The following NAALAD2 variants were observed in gnomAD, a reference collection of about 807,000 sequenced individuals.
NAALAD2 encodes N-acetylated alpha-linked acidic dipeptidase 2, also known as N-acetylated-alpha-linked acidic dipeptidase 2.
In NAALAD2, 89 loss-of-function variants were observed where a neutral mutation model predicts 95.6. That is an observed-to-expected ratio of 0.93 (90% CI 0.78 to 1.11). The LOEUF (loss-of-function observed/expected upper bound fraction) is 1.11, where lower values mean the gene tolerates loss of function less well. Among genes scored for constraint, NAALAD2 ranks in the 50% least tolerant of loss-of-function variants. The pLI, the probability that NAALAD2 is intolerant of heterozygous loss-of-function variation, is 0.00. For missense variants in NAALAD2, 894 were observed against 872.4 expected (o/e 1.02, Z -0.31); for synonymous variants, 264 against 294.4 (o/e 0.90, Z 1.06).
chr11:90,133,321 T>A (rs1454185038), upstream of NAALAD2, among the ~76,000 whole-genome samples: 1 of 152,246 alleles, frequency 6.6e-6, no homozygotes, highest in African/African-American at 2.4e-5. Context: ...GGATGAAGGC[T>A]ATTTACAATG....
At position 90,156,301 on chromosome 11, in the gene NAALAD2, A is replaced by G. The variant is rs575490087; in HGVS notation, c.797-1844A>G. ...AGTCTCAAACTCCTTGACTCAAGCA[A>G]TCTTCCTGCCTTGGCCTCCCAAAGT... On this transcript the variant is annotated intron_variant, in intron 6 of 18. Transcript: ENST00000534061. 4.0e-4 allele frequency among the ~76,000 whole-genome samples: 61 copies of G among 152,104 alleles called. No individual in the cohort carries two copies. The East Asian group carries it at 0.011, about 27-fold the overall frequency.
chr11:90,156,101 TTAG>T (rs1271551123), intron 6 of NAALAD2, among the ~76,000 whole-genome samples: 2 of 151,882 alleles, frequency 1.3e-5, no homozygotes, highest in Admixed American at 6.6e-5. Context: ...ATTCCTGATG[TTAG>T]CAATTTAGTC....
chr11:90,163,638 T>C (rs1401910315), intron 11 of NAALAD2, 21 bp downstream of exon 11: 1 of 1,610,940 alleles, frequency 6.2e-7, no homozygotes, highest in African/African-American at 1.3e-5. Flanking sequence ...CAAAGAAGGT[T>C]CTTATTATTT....
Position 90,169,974 on chromosome 11 carries a change from A to G in NAALAD2, c.1343-95A>G, listed in dbSNP as rs536391928. On this transcript the variant is annotated intron_variant, in intron 12 of 18. Coordinates refer to ENST00000534061, the MANE Select transcript of NAALAD2 (RefSeq NM_005467.4). The stretch of plus-strand genomic sequence containing the variant: ...AAATCTTTGATTTGAAGATCATTAT[A>G]TCTTGTTTAAAATTAGAAAATAAAG... The G allele has an allele frequency of 2.3e-4, 191 of 816,518 alleles. 2 individuals are homozygous for G. Among genetic ancestry groups the G allele is most frequent in the South Asian group, 2.2e-3 (154 of 68,930 alleles). The allele number at this position is 816,518 out of a possible 1,614,324, so 50.6% of individuals were successfully genotyped here. A position where few individuals can be genotyped will look rare whatever the true frequency, so the allele number is the denominator to read the frequency against.
chr11:90,149,532 TCAA>T (rs1951834567), intron 4 of NAALAD2, among the ~76,000 whole-genome samples: 1 of 152,136 alleles, frequency 6.6e-6, no homozygotes, highest in Non-Finnish European at 1.5e-5. Context: ...CCTCCGAGGT[TCAA>T]GCAATTCTCT....
chr11:90,181,751 G>T (rs1333726414), intron 17 of NAALAD2, 50 bp downstream of exon 17: 17 of 1,133,874 alleles, frequency 1.5e-5, no homozygotes, highest in African/African-American at 6.4e-5. Flanking sequence ...AAGCAATCTG[G>T]TTACTAGAAT....
chr11:90,192,058 C>T lies in NAALAD2; in HGVS notation c.*311C>T. On this transcript the variant is annotated 3_prime_UTR_variant, in exon 19 of 19. Transcript: ENST00000534061. ...GTGTGGGAATGTAAAATGGTAAAAT[C>T]ACTTTTGAAAACAGTTTGGCAGTTT... is the stretch of plus-strand genomic sequence containing the variant. 5.8e-6 allele frequency: 1 copy of T among 172,300 alleles called. No homozygotes were observed. The highest frequency in any genetic ancestry group is 1.2e-5 in the Non-Finnish European group (1 of 81,652). The allele number at this position is 172,300 out of a possible 1,614,324, so 10.7% of individuals were successfully genotyped here. A position where few individuals can be genotyped will look rare whatever the true frequency, so the allele number is the denominator to read the frequency against.
At chr11:90,149,192 A>G (rs1391480941) in intron 4 of NAALAD2, 85 bp downstream of exon 4, 6 of 696,354 alleles carry the variant, frequency 8.6e-6, no homozygotes, top group South Asian at 2.5e-5. Flanking sequence ...AACCAAGGAA[A>G]TTAGGTGAAT....
chr11:90,150,660 A>G, intron 5 of NAALAD2, 53 bp downstream of exon 5: 1 of 1,356,868 alleles, frequency 7.4e-7, no homozygotes, highest in East Asian at 2.5e-5. Context: ...TATATTCTGT[A>G]AATGTAAATG....
intron 8 of NAALAD2, 121 bp downstream of exon 8, chr11:90,159,458 T>C (rs1952222255): frequency 1.5e-6 from 1 of 646,756 alleles, no homozygotes; most frequent in African/African-American, 1.8e-5. Flanking sequence ...AACAACCATT[T>C]TACATTACTT....
chr11:90,141,703 G>A lies in NAALAD2; in HGVS notation c.195-5627G>A, dbSNP rs59372753. On this transcript the variant is annotated intron_variant, in intron 2 of 18. Coordinates refer to ENST00000534061, the MANE Select transcript of NAALAD2 (RefSeq NM_005467.4). ...GGAGTTAAGCGATCCTCCCACCTAGGCCTCCCAGAGTTCTGGGATTACAAA... is the reference window on the plus strand; with the variant it reads ...GGAGTTAAGCGATCCTCCCACCTAGACCTCCCAGAGTTCTGGGATTACAAA... Among the ~76,000 whole-genome samples, 421 of 152,154 alleles carry A rather than the reference G, an allele frequency of 2.8e-3. 4 individuals carry two copies. The highest frequency in any genetic ancestry group is 9.7e-3 in the African/African-American group (401 of 41,498).
At chr11:90,176,353 A>G (rs183073911) in intron 15 of NAALAD2, among the ~76,000 whole-genome samples, 70 of 152,320 alleles carry the variant, frequency 4.6e-4, no homozygotes, top group Non-Finnish European at 1.6e-4. Context: ...CTGATTTGTC[A>G]GAAAACTCTC....
At chr11:90,137,389 A>G (rs993181624) in intron 2 of NAALAD2, among the ~76,000 whole-genome samples, 1 of 151,634 alleles carries the variant, frequency 6.6e-6, no homozygotes, top group Admixed American at 6.5e-5. Context: ...CAAAGAAATG[A>G]TAAATGTTTG....
At chr11:90,173,203 G>A (rs959919854) in intron 13 of NAALAD2, among the ~76,000 whole-genome samples, 1 of 151,596 alleles carries the variant, frequency 6.6e-6, no homozygotes, top group Non-Finnish European at 1.5e-5. Context: ...ACACACACAC[G>A]AGCTCTTAAA....
At chr11:90,155,355 CATGTATAATATGTAAT>C (rs1952042213) in intron 6 of NAALAD2, among the ~76,000 whole-genome samples, 1 of 87,762 alleles carries the variant, frequency 1.1e-5, no homozygotes, top group Non-Finnish European at 2.1e-5. Flanking sequence ...TTATATATTA[CATGTATAATATGTAAT>C]ATTACATATT....
intron 2 of NAALAD2, among the ~76,000 whole-genome samples, chr11:90,144,614 C>T (rs1249992194): frequency 1.3e-5 from 2 of 151,616 alleles, no homozygotes; most frequent in Non-Finnish European, 2.9e-5. Context: ...TTGTGGCATG[C>T]ACCTGTAATC....
Position 90,134,664 on chromosome 11 carries a change from G to A in NAALAD2, c.-95G>A, listed in dbSNP as rs112258122. On this transcript the variant is annotated 5_prime_UTR_variant, in exon 1 of 19. Transcript: ENST00000534061. ...TGCGAAGGTCAGCGGAGGCCACCCAGAGCTCACAGCCTCCTGCCAGCGCGC... is the reference window on the plus strand; with the variant it reads ...TGCGAAGGTCAGCGGAGGCCACCCAAAGCTCACAGCCTCCTGCCAGCGCGC... The A allele has an allele frequency of 7.7e-4, 969 of 1,261,390 alleles. 6 individuals carry two copies. In the African/African-American group the frequency reaches 0.012, roughly 16 times the overall value. The allele number at this position is 1,261,390 out of a possible 1,614,324, so 78.1% of individuals were successfully genotyped here. A position where few individuals can be genotyped will look rare whatever the true frequency, so the allele number is the denominator to read the frequency against.
intron 2 of NAALAD2, among the ~76,000 whole-genome samples, chr11:90,136,419 G>A (rs1186785949): frequency 6.6e-6 from 1 of 152,092 alleles, no homozygotes; most frequent in Admixed American, 6.6e-5. Flanking sequence ...ATTCCATTAT[G>A]CCCTTTGCAG....
intron 2 of NAALAD2, among the ~76,000 whole-genome samples, chr11:90,138,711 C>A (rs1398113173): frequency 1.5e-5 from 2 of 135,446 alleles, no homozygotes; most frequent in African/African-American, 5.5e-5. Flanking sequence ...ATCATGAAAC[C>A]CTTCATCCCT....
Sources: allele counts gnomAD v4.1 joint callset (sites outside exome capture counted in the v4.1 genomes callset), GRCh38; gene constraint gnomAD v4.1.1; transcripts MANE v1.5; gene names NCBI Gene and HGNC (gene_info 2026-07-23, HGNC 2026-07-21).